Variants in RUSC1 observed in about 807,000 individuals in gnomAD.
RUSC1 encodes the protein AP-4 complex accessory subunit RUSC1.
A neutral mutation model predicts 72.1 loss-of-function variants in RUSC1; 40 were observed. The ratio of observed to expected loss-of-function variants is 0.55; its 90% confidence interval spans 0.43 to 0.72. The LOEUF (loss-of-function observed/expected upper bound fraction) is 0.72. RUSC1 is among the 30% of genes least tolerant of loss of function. The pLI is 0.00. For missense variants in RUSC1, 1,092 were observed against 1,172.3 expected (o/e 0.93, Z 1.00); for synonymous variants, 512 against 494.2 (o/e 1.04, Z -0.48).
In RUSC1 at chr1:155,320,912, T is replaced by C; in HGVS notation, c.-166T>C. The C allele has an allele frequency of 1.3e-6, 2 of 1,588,346 alleles. No individual in the cohort carries two copies. Among genetic ancestry groups the C allele is most frequent in the Non-Finnish European group, 1.7e-6 (2 of 1,167,244 alleles). Reference sequence around the variant, plus strand: ...GTAGGTTGTGCTAGTGCCCCTCCCCTCCCGCTCTGTGCCCCGCCGGGCGGG... The same window carrying C: ...GTAGGTTGTGCTAGTGCCCCTCCCCCCCCGCTCTGTGCCCCGCCGGGCGGG... On this transcript the variant is annotated 5_prime_UTR_variant, in exon 1 of 10. Transcript: ENST00000368352.
chr1:155,328,109 T>C, intron 8 of RUSC1, 41 bp from the exon 9 acceptor site: 7 of 1,589,332 alleles, frequency 4.4e-6, no homozygotes, highest in Non-Finnish European at 6.0e-6. Context: ...TTGGGTTTTC[T>C]GGAAGTGGGT....
chr1:155,326,580 G>A lies in RUSC1; in HGVS notation c.1862G>A (p.Gly621Asp). Reference protein sequence around the residue: ...LWFSSLQEDAGLLSLLYLPTG... With the variant: ...LWFSSLQEDADLLSLLYLPTG... ...CTGATGTTGGCCTGCTCTTTTCCAG[G>A]CCTGCTCTCCCTCCTGTACCTGCCA... Residue 621 changes from glycine (G) to aspartate (D), a missense_variant and splice_region_variant, in exon 8 of 10, where the codon GGC (glycine) becomes GAC (aspartate). Coordinates refer to ENST00000368352, the MANE Select transcript of RUSC1 (RefSeq NM_001105203.2). The surrounding 1 kb of genome is among the most constrained non-coding windows in gnomAD (Gnocchi z 4.7). 1 of 1,604,386 alleles carries A rather than the reference G, an allele frequency of 6.2e-7. No homozygotes were observed.
Position 155,325,209 on chromosome 1 carries a change from TGAG to T in RUSC1, c.1533+35_1533+37del. ...GGTGGCTGGGGGGAGGCTGTTGGGA[TGAG>T]GAGAGTAATGGAGCTCCGCGGGGGG... On this transcript the variant is annotated intron_variant, in intron 4 of 9. Transcript: ENST00000368352. This position sits in a 1 kb window ranked among gnomAD's most constrained non-coding sequence, Gnocchi z 6.5. 1 of 1,613,834 alleles carries T rather than the reference TGAG, an allele frequency of 6.2e-7. No individual in the cohort carries two copies. Among genetic ancestry groups the T allele is most frequent in the Non-Finnish European group, 8.5e-7 (1 of 1,179,950 alleles).
At chr1:155,329,053 A>C (rs1651734294) in intron 9 of RUSC1, among the ~76,000 whole-genome samples, 1 of 152,018 alleles carries the variant, frequency 6.6e-6, no homozygotes, top group Non-Finnish European at 1.5e-5. Flanking sequence ...TATAAAAAGG[A>C]TATGATGCAA....
intron 9 of RUSC1, 26 bp from the exon 10 acceptor site, chr1:155,330,377 C>T: frequency 1.2e-6 from 2 of 1,612,008 alleles, no homozygotes; most frequent in Non-Finnish European, 1.7e-6. Context: ...CACCTCATCC[C>T]AGTATCTTCC....
rs754503088 is a variant in RUSC1, at chr1:155,326,983, G to C, written c.2265G>C (p.Pro755=). 1.9e-6 allele frequency: 3 copies of C among 1,613,636 alleles called. No individual in the cohort carries two copies. The African/African-American group carries it at 4.0e-5, about 22-fold the overall frequency. Residue 755 remains proline, a synonymous_variant, in exon 8 of 10, where the codon CCG becomes CCC. Transcript: ENST00000368352. The surrounding 1 kb of genome is among the most constrained non-coding windows in gnomAD (Gnocchi z 4.7). The part of the protein sequence containing the change: ...TEGFPLSRWA[P]GRHGTAAEEG... ...GCTTTCCTCTTTCCCGATGGGCACC[G>C]GGGCGTCATGGGACTGCAGCTGAAG... is the stretch of plus-strand genomic sequence containing the variant.
Position 155,322,571 on chromosome 1 carries a change from G to T in RUSC1, c.798G>T (p.Trp266Cys). The T allele has an allele frequency of 6.2e-7, 1 of 1,614,234 alleles. No individual in the cohort carries two copies. Among genetic ancestry groups the T allele is most frequent in the East Asian group, 2.2e-5 (1 of 44,888 alleles). ...ACAACGGGAATGTTAACTCTAGCTGGAAAAGTGAACCTGAAAAATTCGACT... is the reference window on the plus strand; with the variant it reads ...ACAACGGGAATGTTAACTCTAGCTGTAAAAGTGAACCTGAAAAATTCGACT... ...WKNNGNVNSS[W>C]KSEPEKFDSG... is the part of the protein sequence containing the mutation. Residue 266 changes from tryptophan to cysteine, a missense_variant, in exon 2 of 10, where the codon TGG becomes TGT. Physicochemically the swap from Trp to Cys is radical, Grantham distance 215. Coordinates refer to ENST00000368352, the MANE Select transcript of RUSC1 (RefSeq NM_001105203.2).
At chr1:155,324,381 T>C in intron 2 of RUSC1, 1 of 1,612,074 alleles carries the variant, frequency 6.2e-7, no homozygotes, top group Non-Finnish European at 8.5e-7. Context: ...CCTCCCTCCG[T>C]CTCCTCCCTT....
Position 155,325,505 on chromosome 1 carries a change from C to T in RUSC1, c.1708+15C>T, listed in dbSNP as rs1217729028. On this transcript the variant is annotated intron_variant, in intron 5 of 9. Coordinates refer to ENST00000368352, the MANE Select transcript of RUSC1 (RefSeq NM_001105203.2). The surrounding 1 kb of genome is among the most constrained non-coding windows in gnomAD (Gnocchi z 6.5). The stretch of plus-strand genomic sequence containing the variant: ...GGTGAAGCCAGGTGAGCCAGGAGGG[C>T]GTGGGACCCGGCAGTGCGCAGGGCA... 2 of 1,599,200 alleles carry T rather than the reference C, an allele frequency of 1.3e-6. No individual in the cohort carries two copies. The highest frequency in any genetic ancestry group is 3.4e-5 in the Admixed American group (2 of 59,686).
At chr1:155,330,032 T>C (rs1651852297) in intron 9 of RUSC1, among the ~76,000 whole-genome samples, 1 of 148,520 alleles carries the variant, frequency 6.7e-6, no homozygotes. Context: ...ATGGATTGGA[T>C]GTATGGAGTG....
intron 3 of RUSC1, 36 bp downstream of exon 3, chr1:155,324,979 A>G (rs761981718): frequency 1.2e-6 from 2 of 1,614,038 alleles, no homozygotes; most frequent in Middle Eastern, 1.7e-4. Context: ...GCGCTTCCGA[A>G]TAAACTGCCC....
intron 1 of RUSC1, 46 bp from the exon 2 acceptor site, chr1:155,321,642 C>A: frequency 7.5e-7 from 1 of 1,329,502 alleles, no homozygotes; most frequent in Non-Finnish European, 1.1e-6. Flanking sequence ...TCCTTCCCCG[C>A]AGCTCTTGTC....
rs373333940 is a variant in RUSC1, at chr1:155,330,563, G to A, written c.2701G>A (p.Val901Ile). Residue 901 changes from valine to isoleucine, a missense_variant, in exon 10 of 10, where the codon GTT becomes ATT. Coordinates refer to ENST00000368352, the MANE Select transcript of RUSC1 (RefSeq NM_001105203.2). ...GLVPVGYTSL[V>I]L ...GGTGCCTGTGGGGTATACCTCCCTT[G>A]TTCTGTAGCCCTGGGACCCTTTCCT... 3 of 1,595,430 alleles carry A rather than the reference G, an allele frequency of 1.9e-6. No homozygotes were observed. In the African/African-American group the frequency reaches 4.0e-5, roughly 21 times the overall value.
rs1230191861 is a variant in RUSC1 at position 155,326,892 on chromosome 1, C to G, written c.2174C>G (p.Thr725Arg). The part of the protein sequence containing the change: ...SDPSDSPNLP[T>R]PGSWWEQLTQ... Reference sequence around the variant, plus strand: ...CCCTCTGACTCTCCAAACCTTCCCACACCAGGGAGCTGGTGGGAGCAGTTG... The same window carrying G: ...CCCTCTGACTCTCCAAACCTTCCCAGACCAGGGAGCTGGTGGGAGCAGTTG... The change falls in exon 8 of 10, where the codon ACA (threonine) becomes AGA (arginine). Residue 725 changes from threonine (T) to arginine (R), a missense_variant. Thr to Arg is a moderately conservative substitution (Grantham distance 71). Coordinates refer to ENST00000368352, the MANE Select transcript of RUSC1 (RefSeq NM_001105203.2). This position sits in a 1 kb window ranked among gnomAD's most constrained non-coding sequence, Gnocchi z 4.7. The G allele has an allele frequency of 6.2e-7, 1 of 1,613,692 alleles. No homozygotes were observed. Among genetic ancestry groups the G allele is most frequent in the East Asian group, 2.2e-5 (1 of 44,900 alleles).
intron 2 of RUSC1, chr1:155,324,161 C>T: frequency 7.4e-7 from 1 of 1,358,470 alleles, no homozygotes; most frequent in Non-Finnish European, 9.5e-7. Context: ...ATTCCTTGGC[C>T]TGTGCAGCTC....
chr1:155,327,799 C>T (rs1651573771), intron 8 of RUSC1, among the ~76,000 whole-genome samples: 1 of 152,126 alleles, frequency 6.6e-6, no homozygotes, highest in Non-Finnish European at 1.5e-5. Flanking sequence ...ACCCTGTCTC[C>T]TCTCCAAACA....
chr1:155,330,386 C>T lies in RUSC1; in HGVS notation c.2541-17C>T, dbSNP rs1651885994. ...CCACCTCACCTCATCCCAGTATCTT[C>T]CTCTGGCTCCCCTCAGGGCAGTGCG... On this transcript the variant is annotated splice_polypyrimidine_tract_variant and intron_variant, in intron 9 of 9. Coordinates refer to ENST00000368352, the MANE Select transcript of RUSC1 (RefSeq NM_001105203.2). The T allele has an allele frequency of 1.2e-6, 2 of 1,612,108 alleles. No individual in the cohort carries two copies. Among genetic ancestry groups the T allele is most frequent in the Middle Eastern group, 2.2e-4 (1 of 4,574 alleles).
At position 155,325,111 on chromosome 1, in the gene RUSC1, T is replaced by A. The variant is rs1557994961; in HGVS notation, c.1466T>A (p.Ile489Lys). The A allele has an allele frequency of 6.2e-7, 1 of 1,614,218 alleles. No homozygotes were observed. ...QLQEQKKGLL[I>K]AVSVSVDKII... is the part of the protein sequence containing the mutation. Reference sequence around the variant, plus strand: ...TTCCCACTCCTCCCAGGTCTTCTGATAGCCGTCAGCGTCTCCGTTGATAAA... The same window carrying A: ...TTCCCACTCCTCCCAGGTCTTCTGAAAGCCGTCAGCGTCTCCGTTGATAAA... Residue 489 changes from isoleucine (I) to lysine (K), a missense_variant, in exon 4 of 10, where the codon ATA (isoleucine) becomes AAA (lysine). By Grantham distance (102) the Ile-to-Lys change is moderately radical (BLOSUM62 -3). Coordinates refer to ENST00000368352, the MANE Select transcript of RUSC1 (RefSeq NM_001105203.2). This position sits in a 1 kb window ranked among gnomAD's most constrained non-coding sequence, Gnocchi z 6.5.
intron 9 of RUSC1, among the ~76,000 whole-genome samples, chr1:155,329,828 G>C (rs1189042920): frequency 6.6e-6 from 1 of 151,706 alleles, no homozygotes; most frequent in African/African-American, 2.4e-5. Context: ...GGTGGTGGTG[G>C]GCACTTGTAG....
Sources: allele counts gnomAD v4.1 joint callset (sites outside exome capture counted in the v4.1 genomes callset), GRCh38; gene constraint gnomAD v4.1.1; non-coding constraint Gnocchi (gnomAD v3.1); transcripts MANE v1.5; gene names NCBI Gene and HGNC (gene_info 2026-07-23, HGNC 2026-07-21).